The following ANKS1B variants were observed in gnomAD, a reference collection of about 807,000 sequenced individuals.
ANKS1B encodes the protein ankyrin repeat and sterile alpha motif domain containing 1B, also known as ankyrin repeat and sterile alpha motif domain-containing protein 1B.
Under a neutral mutation model 148.3 loss-of-function variants are expected in ANKS1B, and 36 were observed. That is an observed-to-expected ratio of 0.24 (90% CI 0.19 to 0.32). The LOEUF (loss-of-function observed/expected upper bound fraction) is 0.32. Among genes scored for constraint, ANKS1B ranks in the 10% least tolerant of loss-of-function variants. The probability of loss-of-function intolerance (pLI) is 1.00; values close to 1 mark genes in which losing one functional copy is unlikely to be tolerated. For synonymous variants in ANKS1B, 542 were observed against 560.8 expected, an observed-to-expected ratio of 0.97 and a Z score of 0.47; for missense variants, 1,157 against 1,542.6, an observed-to-expected ratio of 0.75 and a Z score of 4.19.
intron 17 of ANKS1B, among the ~76,000 whole-genome samples, chr12:98,848,049 C>T (rs1425906194): frequency 6.6e-6 from 1 of 152,144 alleles, no homozygotes; most frequent in Admixed American, 6.5e-5. Context: ...AAAAGTAGAG[C>T]AATGCTTTCT....
chr12:99,068,137 T>A (rs953937057), intron 16 of ANKS1B, among the ~76,000 whole-genome samples: 8 of 152,118 alleles, frequency 5.3e-5, no homozygotes, highest in Non-Finnish European at 8.8e-5. Context: ...ATCCTAGATA[T>A]TATATAAATG....
At chr12:99,122,081 C>T (rs1166570967) in intron 15 of ANKS1B, among the ~76,000 whole-genome samples, 1 of 152,094 alleles carries the variant, frequency 6.6e-6, no homozygotes, top group Non-Finnish European at 1.5e-5. Context: ...GTTTGAGTGC[C>T]ATTTCTATCA....
chr12:99,463,117 T>C (rs12296790), intron 10 of ANKS1B, among the ~76,000 whole-genome samples: 7,302 of 152,184 alleles, frequency 0.048, 611 homozygotes, highest in African/African-American at 0.17. Flanking sequence ...AATACCCTAA[T>C]AGAAAACTGG....
intron 8 of ANKS1B, among the ~76,000 whole-genome samples, chr12:99,730,456 G>T (rs775994452): frequency 6.6e-6 from 1 of 152,114 alleles, no homozygotes; most frequent in Non-Finnish European, 1.5e-5. Context: ...AACTTTTTTG[G>T]CTAGTTTCAT....
intron 8 of ANKS1B, among the ~76,000 whole-genome samples, chr12:99,706,886 C>T (rs976167403): frequency 5.3e-5 from 8 of 152,018 alleles, no homozygotes; most frequent in Non-Finnish European, 1.2e-4. Context: ...GAACTGAATT[C>T]TGCCAACAGC....
At chr12:99,268,130 C>G (rs957972918) in intron 12 of ANKS1B, among the ~76,000 whole-genome samples, 2 of 152,120 alleles carry the variant, frequency 1.3e-5, no homozygotes, top group African/African-American at 4.8e-5. Context: ...AAAATAGATA[C>G]AGGACTATCA....
At chr12:99,649,459 A>G in intron 9 of ANKS1B, 1 of 1,345,660 alleles carries the variant, frequency 7.4e-7, no homozygotes, top group Non-Finnish European at 1.1e-6. Context: ...CAGTCATAAA[A>G]CCTATAGTGC....
rs187232048 is a variant in ANKS1B, at chr12:99,340,754, A to G, written c.1756+58877T>C. On this transcript the variant is annotated intron_variant, in intron 12 of 26. Coordinates refer to ENST00000683438, the MANE Select transcript of ANKS1B (RefSeq NM_001352186.2). ...AGTGGTCATAAAATTAATACATGTG[A>G]GAACTTTTAAAAAAAATGCAAAGCA... Among the ~76,000 whole-genome samples the G allele has an allele frequency of 3.3e-5, 5 of 152,200 alleles. No homozygotes were observed. In the East Asian group the frequency reaches 9.7e-4, roughly 29 times the overall value.
chr12:99,596,590 C>T (rs573517768), intron 9 of ANKS1B, among the ~76,000 whole-genome samples: 2 of 151,874 alleles, frequency 1.3e-5, no homozygotes, highest in Non-Finnish European at 2.9e-5. Flanking sequence ...CAATTTTAAT[C>T]TTTAAAGTAT....
chr12:99,506,585 T>A (rs930111022), intron 9 of ANKS1B, among the ~76,000 whole-genome samples: 6 of 151,938 alleles, frequency 3.9e-5, no homozygotes, highest in African/African-American at 1.4e-4. Context: ...TATAGCCACA[T>A]AATAGTTTTC....
intron 10 of ANKS1B, among the ~76,000 whole-genome samples, chr12:99,500,396 G>T (rs1011925239): frequency 6.6e-6 from 1 of 152,158 alleles, no homozygotes; most frequent in Non-Finnish European, 1.5e-5. Context: ...CCAGTCCATT[G>T]CCTTAGCCAA....
intron 1 of ANKS1B, among the ~76,000 whole-genome samples, chr12:99,844,254 T>C (rs1006169582): frequency 6.6e-6 from 1 of 152,192 alleles, no homozygotes; most frequent in Non-Finnish European, 1.5e-5. Flanking sequence ...CTCGATCCTA[T>C]TTGTCAATTT....
At chr12:98,964,265 T>TA (rs1289160035) in intron 17 of ANKS1B, among the ~76,000 whole-genome samples, 1 of 152,148 alleles carries the variant, frequency 6.6e-6, no homozygotes, top group Non-Finnish European at 1.5e-5. Context: ...TCATCCCAGT[T>TA]AAAAAGGCTT....
intron 19 of ANKS1B, among the ~76,000 whole-genome samples, chr12:98,826,625 A>T (rs1284134416): frequency 6.6e-6 from 1 of 152,154 alleles, no homozygotes; most frequent in East Asian, 1.9e-4. Flanking sequence ...TTTTCTCTCA[A>T]CTGCATTCTC....
intron 14 of ANKS1B, among the ~76,000 whole-genome samples, chr12:99,207,996 A>C (rs1366021775): frequency 6.6e-6 from 1 of 152,138 alleles, no homozygotes; most frequent in Non-Finnish European, 1.5e-5. Flanking sequence ...TAATATCAAA[A>C]GTATACTGAT....
At chr12:99,542,890 G>C (rs910508446) in intron 9 of ANKS1B, among the ~76,000 whole-genome samples, 7 of 152,042 alleles carry the variant, frequency 4.6e-5, no homozygotes, top group Non-Finnish European at 1.0e-4. Context: ...AACTCTTGGG[G>C]AAGAAGTATA....
chr12:99,291,425 G>C (rs879384932), intron 12 of ANKS1B, among the ~76,000 whole-genome samples: 6 of 152,004 alleles, frequency 3.9e-5, no homozygotes, highest in Non-Finnish European at 8.8e-5. Context: ...AAAAGAACTA[G>C]GCTAGCCAAA....
intron 12 of ANKS1B, among the ~76,000 whole-genome samples, chr12:99,391,212 A>T (rs1567012604): frequency 6.6e-6 from 1 of 152,198 alleles, no homozygotes. Context: ...TCACAGAGAA[A>T]ATAAGAGCCA....
intron 15 of ANKS1B, among the ~76,000 whole-genome samples, chr12:99,124,944 G>T (rs1040147910): frequency 6.9e-6 from 1 of 144,224 alleles, no homozygotes; most frequent in Non-Finnish European, 1.5e-5. Flanking sequence ...CTTTTAGTAG[G>T]GTGGAAAAGA....
Sources: allele counts gnomAD v4.1 joint callset (sites outside exome capture counted in the v4.1 genomes callset), GRCh38; gene constraint gnomAD v4.1.1; transcripts MANE v1.5; gene names NCBI Gene and HGNC (gene_info 2026-07-23, HGNC 2026-07-21).